VWA8: variants seen among roughly 807,000 people sequenced by gnomAD.
VWA8 encodes von Willebrand factor A domain-containing protein 8.
Under a neutral mutation model 241.5 loss-of-function variants are expected in VWA8, and 221 were observed. That is an observed-to-expected ratio of 0.91 (90% confidence interval 0.82 to 1.02). The LOEUF is 1.02. Ranked by LOEUF, VWA8 falls within the 50% of genes least tolerant of loss-of-function variation. The pLI, the probability that VWA8 is intolerant of heterozygous loss-of-function variation, is 0.00. For missense variants in VWA8, 2,322 were observed against 2,328.7 expected (o/e 1.00, Z 0.06); for synonymous variants, 852 against 827.1 (o/e 1.03, Z -0.52).
At position 41,819,406 on chromosome 13, in the gene VWA8, GA is replaced by G. The variant is rs762377128; in HGVS notation, c.1701-21del. 10 of 1,580,878 alleles carry G rather than the reference GA, an allele frequency of 6.3e-6. No individual in the cohort carries two copies. Among genetic ancestry groups the G allele is most frequent in the East Asian group, 2.3e-5 (1 of 44,306 alleles). ...ATGGATCTAAAATAGGAAAAAAAATGAAAAAAAATAACATATCTTTCATGTA... is the reference window on the plus strand; with the variant it reads ...ATGGATCTAAAATAGGAAAAAAAATGAAAAAAATAACATATCTTTCATGTA... On this transcript the variant is annotated intron_variant, in intron 14 of 44. Transcript: ENST00000379310.
intron 2 of VWA8, among the ~76,000 whole-genome samples, chr13:41,942,921 A>C (rs1215378943): frequency 6.6e-6 from 1 of 152,176 alleles, no homozygotes; most frequent in African/African-American, 2.4e-5. Context: ...CAGTACAACA[A>C]GACAAGAGAC....
intron 19 of VWA8, among the ~76,000 whole-genome samples, chr13:41,779,060 CT>C (rs1868768545): frequency 1.3e-5 from 2 of 150,742 alleles, no homozygotes; most frequent in Non-Finnish European, 3.0e-5. Context: ...CCAGGATGGT[CT>C]TGATCTCCTG....
intron 9 of VWA8, among the ~76,000 whole-genome samples, chr13:41,878,203 C>A (rs182488442): frequency 6.3e-4 from 95 of 151,926 alleles, no homozygotes; most frequent in Middle Eastern, 3.4e-3. Flanking sequence ...ATACATACTT[C>A]TATTTCTTAA....
chr13:41,787,468 G>A lies in VWA8; in HGVS notation c.2139C>T (p.Asp713=). The stretch of plus-strand genomic sequence containing the variant: ...AATCCTTCAGTTCTGGCTCCAAATT[G>A]TCATCAGTATTTATTTCTATTGTAG... The part of the protein sequence containing the change: ...ADATIEINTD[D]NLEPELKDYK... The change falls in exon 18 of 45, where the codon GAC becomes GAT. Residue 713 remains aspartate, a synonymous_variant. Coordinates refer to ENST00000379310, the MANE Select transcript of VWA8 (RefSeq NM_015058.2). 2 of 1,612,076 alleles carry A rather than the reference G, an allele frequency of 1.2e-6. No homozygotes were observed. The highest frequency in any genetic ancestry group is 1.7e-4 in the Middle Eastern group (1 of 6,052).
chr13:41,668,483 G>C (rs2045001398), intron 37 of VWA8, among the ~76,000 whole-genome samples: 1 of 152,146 alleles, frequency 6.6e-6, no homozygotes, highest in African/African-American at 2.4e-5. Context: ...CTGAAGTTAG[G>C]AGCAGATCTG....
At chr13:41,837,811 A>G (rs1052577240) in intron 12 of VWA8, among the ~76,000 whole-genome samples, 1 of 152,208 alleles carries the variant, frequency 6.6e-6, no homozygotes, top group Admixed American at 6.5e-5. Context: ...TTATTTTTGC[A>G]TATATTTTTC....
At chr13:41,647,100 A>C (rs1412414556) in intron 37 of VWA8, among the ~76,000 whole-genome samples, 1 of 152,210 alleles carries the variant, frequency 6.6e-6, no homozygotes, top group Admixed American at 6.5e-5. Context: ...CATATTACAC[A>C]CACAGCTTTA....
At chr13:41,932,220 A>G (rs1262618760) in intron 2 of VWA8, among the ~76,000 whole-genome samples, 1 of 152,150 alleles carries the variant, frequency 6.6e-6, no homozygotes, top group Non-Finnish European at 1.5e-5. Context: ...CTTAGAAGAA[A>G]TGAACAAAGT....
rs138850541 is a variant in VWA8 at position 41,854,225 on chromosome 13, G to A, written c.1425+11511C>T. Among the ~76,000 whole-genome samples, 5 of 152,148 alleles carry A rather than the reference G, an allele frequency of 3.3e-5. No homozygotes were observed. The East Asian group carries it at 9.6e-4, about 29-fold the overall frequency. ...TTGTTGCCTAAAAACATTTCTGTCAGTACCTTTGGTTAAAATTTTAAAAAT... is the reference window on the plus strand; with the variant it reads ...TTGTTGCCTAAAAACATTTCTGTCAATACCTTTGGTTAAAATTTTAAAAAT... On this transcript the variant is annotated intron_variant, in intron 12 of 44. Coordinates refer to ENST00000379310, the MANE Select transcript of VWA8 (RefSeq NM_015058.2).
At position 41,654,535 on chromosome 13, in the gene VWA8, T is replaced by A. The variant is rs1445432558; in HGVS notation, c.4611+16411A>T. ...TCTCATAAGGAGGACACAATTTACA[T>A]TCCTCGCATGCACAGTTCACACAAG... On this transcript the variant is annotated intron_variant, in intron 37 of 44. Coordinates refer to ENST00000379310, the MANE Select transcript of VWA8 (RefSeq NM_015058.2). 3.3e-5 allele frequency among the ~76,000 whole-genome samples: 5 copies of A among 152,174 alleles called. No homozygotes were observed. In the East Asian group the frequency reaches 9.6e-4, roughly 29 times the overall value.
At position 41,684,497 on chromosome 13, in the gene VWA8, C is replaced by T. The variant is rs74847261; in HGVS notation, c.4327+550G>A. Among the ~76,000 whole-genome samples, 591 of 152,200 alleles carry T rather than the reference C, an allele frequency of 3.9e-3. 7 individuals are homozygous for T. The highest frequency in any genetic ancestry group is 0.013 in the African/African-American group (532 of 41,526). On this transcript the variant is annotated intron_variant, in intron 35 of 44. Transcript: ENST00000379310. The stretch of plus-strand genomic sequence containing the variant: ...CACTGTTGTCCACTGGTGGGGTGAT[C>T]CTGGGCCAGTTATTTTAGTTCTGTG...
rs202007126 is a variant in VWA8 at position 41,844,761 on chromosome 13, T to C, written c.1426-11230A>G. Among the ~76,000 whole-genome samples, 6 of 151,614 alleles carry C rather than the reference T, an allele frequency of 4.0e-5. No individual in the cohort carries two copies. The East Asian group carries it at 7.8e-4, about 20-fold the overall frequency. Reference sequence around the variant, plus strand: ...TATACACCAATACATTCAAGCTGAATGTGTCAGGAACACATTCCTATTTAC... The same window carrying C: ...TATACACCAATACATTCAAGCTGAACGTGTCAGGAACACATTCCTATTTAC... On this transcript the variant is annotated intron_variant, in intron 12 of 44. Transcript: ENST00000379310.
At chr13:41,744,237 C>G (rs993517136) in intron 21 of VWA8, among the ~76,000 whole-genome samples, 1 of 152,222 alleles carries the variant, frequency 6.6e-6, no homozygotes, top group Non-Finnish European at 1.5e-5. Flanking sequence ...ACAGATTTCA[C>G]CTAAAAGCTG....
chr13:41,591,091 T>A (rs2044451625), intron 40 of VWA8, among the ~76,000 whole-genome samples: 1 of 152,240 alleles, frequency 6.6e-6, no homozygotes, highest in African/African-American at 2.4e-5. Flanking sequence ...TCTCAAAAGT[T>A]TATTAGTTAA....
chr13:41,615,152 A>T, intron 37 of VWA8, 68 bp from the exon 38 acceptor site: 1 of 1,516,566 alleles, frequency 6.6e-7, no homozygotes, highest in Non-Finnish European at 9.1e-7. Context: ...TGACAGAAAA[A>T]AAAATTATTT....
chr13:41,881,681 C>A (rs1228298519), intron 9 of VWA8, among the ~76,000 whole-genome samples: 2 of 149,410 alleles, frequency 1.3e-5, no homozygotes, highest in Non-Finnish European at 3.0e-5. Flanking sequence ...GGCGGCCGGG[C>A]AGAGGCGCCC....
At chr13:41,807,140 GA>G (rs1870249248) in intron 17 of VWA8, among the ~76,000 whole-genome samples, 1 of 152,008 alleles carries the variant, frequency 6.6e-6, no homozygotes, top group Non-Finnish European at 1.5e-5. Flanking sequence ...ATTGAACTAC[GA>G]AGAAATAGAA....
At chr13:41,649,904 C>T (rs9315854) in intron 37 of VWA8, among the ~76,000 whole-genome samples, 5,032 of 152,180 alleles carry the variant, frequency 0.033, 280 homozygotes, top group African/African-American at 0.11. Flanking sequence ...CACTGCAACA[C>T]GTGTTGTGCC....
chr13:41,950,667 C>CTTT (rs373790890), intron 1 of VWA8, among the ~76,000 whole-genome samples: 43 of 119,504 alleles, frequency 3.6e-4, no homozygotes, highest in African/African-American at 1.0e-3. Flanking sequence ...CACACTCAGC[C>CTTT]TTTTTTTTTT....
Sources: gnomAD v4.1 joint callset for allele counts (sites outside exome capture counted in the v4.1 genomes callset) on GRCh38, gnomAD v4.1.1 for gene constraint, MANE v1.5 for transcripts, NCBI Gene and HGNC (gene_info 2026-07-23, HGNC 2026-07-21) for gene names.